The following RECQL5 variants were observed in gnomAD, a reference collection of about 807,000 sequenced individuals.
The protein encoded by RECQL5 is ATP-dependent DNA helicase Q5.
A neutral mutation model predicts 103.4 loss-of-function variants in RECQL5; 88 were observed. That is an observed-to-expected ratio of 0.85 (90% CI 0.72 to 1.02). The LOEUF (loss-of-function observed/expected upper bound fraction) is 1.02. Among genes scored for constraint, RECQL5 ranks in the 50% least tolerant of loss-of-function variants. The pLI, the probability that RECQL5 is intolerant of heterozygous loss-of-function variation, is 0.00. For missense variants in RECQL5, 1,232 were observed against 1,284.3 expected, an observed-to-expected ratio of 0.96 and a Z score of 0.62; for synonymous variants, 552 against 507.9, an observed-to-expected ratio of 1.09 and a Z score of -1.17.
intron 7 of RECQL5, 120 bp downstream of exon 7, chr17:75,658,178 T>A: frequency 9.6e-7 from 1 of 1,042,492 alleles, no homozygotes; most frequent in Non-Finnish European, 1.4e-6. Context: ...TTTGCTATAC[T>A]TACAGGTTGG....
rs2059691655 is a variant in RECQL5 at position 75,661,022 on chromosome 17, C to T, written c.919G>A (p.Glu307Lys). Reference protein sequence around the residue: ...ERTLVQNDWMEEKVPVIVATI... With the variant: ...ERTLVQNDWMKEKVPVIVATI... ...GCAACAATTACAGGGACCTTCTCCTCCATCCAGTCGTTCTGCACCAGCGTT... is the reference window on the plus strand; with the variant it reads ...GCAACAATTACAGGGACCTTCTCCTTCATCCAGTCGTTCTGCACCAGCGTT... The change falls in exon 6 of 20, where the codon GAG becomes AAG. Residue 307 changes from glutamate to lysine, a missense_variant. Physicochemically the swap from Glu to Lys is moderately conservative, Grantham distance 56. Coordinates refer to ENST00000317905, the MANE Select transcript of RECQL5 (RefSeq NM_004259.7). 7 of 1,614,206 alleles carry T rather than the reference C, an allele frequency of 4.3e-6. No individual in the cohort carries two copies. The highest frequency in any genetic ancestry group is 5.1e-6 in the Non-Finnish European group (6 of 1,180,034).
At chr17:75,642,543 T>C (rs1888459962) in intron 8 of RECQL5, among the ~76,000 whole-genome samples, 1 of 152,038 alleles carries the variant, frequency 6.6e-6, no homozygotes, top group Non-Finnish European at 1.5e-5. Flanking sequence ...ACCCAGAGAG[T>C]AAGTGTTTTC....
At chr17:75,631,770 CG>C in intron 8 of RECQL5, 102 bp from the exon 9 acceptor site, 1 of 1,227,756 alleles carries the variant, frequency 8.1e-7, no homozygotes, top group Non-Finnish European at 1.1e-6. Context: ...CTGCCGCGTC[CG>C]GCACCATGCC....
intron 8 of RECQL5, chr17:75,647,551 G>C: frequency 6.5e-7 from 1 of 1,550,156 alleles, no homozygotes; most frequent in South Asian, 1.2e-5. Flanking sequence ...GTGTGAAGCG[G>C]GTGAAGAGGA....
At chr17:75,646,979 G>A (rs543304234) in intron 8 of RECQL5, among the ~76,000 whole-genome samples, 1 of 152,300 alleles carries the variant, frequency 6.6e-6, no homozygotes. Context: ...CCAAATGTTT[G>A]GCAGTTGGGG....
intron 8 of RECQL5, among the ~76,000 whole-genome samples, chr17:75,642,249 C>T (rs933378701): frequency 2.6e-5 from 4 of 152,330 alleles, no homozygotes; most frequent in Middle Eastern, 3.4e-3. Flanking sequence ...CAGAGCATCC[C>T]GAGGTGCCTC....
rs553992436 is a variant in RECQL5 at position 75,634,102 on chromosome 17, G to A, written c.1230-2434C>T. The A allele has an allele frequency of 1.3e-4, 129 of 985,568 alleles. No homozygotes were observed. In the Middle Eastern group the frequency reaches 1.6e-3, roughly 12 times the overall value. 61.1% of individuals were successfully genotyped at this position (985,568 alleles called of 1,614,324 possible). On this transcript the variant is annotated intron_variant, in intron 8 of 19. Transcript: ENST00000317905. ...GTCAGCAGAGGAGCTGGGCTGAGGCGCCCAGGGGAGCAGCGGCGCCCACGA... is the reference window on the plus strand; with the variant it reads ...GTCAGCAGAGGAGCTGGGCTGAGGCACCCAGGGGAGCAGCGGCGCCCACGA...
At position 75,640,077 on chromosome 17, in the gene RECQL5, C is replaced by T. The variant is rs902812261; in HGVS notation, c.1230-8409G>A. Reference sequence around the variant, plus strand: ...AGACCTGACAAACTTGTTCTGCGGGCTGCGGATGGGTGCGAGGGTGGAATC... The same window carrying T: ...AGACCTGACAAACTTGTTCTGCGGGTTGCGGATGGGTGCGAGGGTGGAATC... On this transcript the variant is annotated intron_variant, in intron 8 of 19. Coordinates refer to ENST00000317905, the MANE Select transcript of RECQL5 (RefSeq NM_004259.7). The surrounding 1 kb of genome is among the most constrained non-coding windows in gnomAD (Gnocchi z 4.6). 3 of 1,335,024 alleles carry T rather than the reference C, an allele frequency of 2.2e-6. No homozygotes were observed. The highest frequency in any genetic ancestry group is 3.0e-5 in the African/African-American group (2 of 67,482). 82.7% of individuals were successfully genotyped at this position (1,335,024 alleles called of 1,614,324 possible).
At chr17:75,658,210 A>G (rs2059652849) in intron 7 of RECQL5, 88 bp downstream of exon 7, 3 of 1,450,764 alleles carry the variant, frequency 2.1e-6, no homozygotes, top group Admixed American at 3.9e-5. Flanking sequence ...TCTAGCTTAC[A>G]CAAGCATCAT....
At chr17:75,661,860 T>C in intron 4 of RECQL5, 152 bp from the exon 5 acceptor site, 1 of 606,030 alleles carries the variant, frequency 1.7e-6, no homozygotes, top group Non-Finnish European at 2.9e-6. Flanking sequence ...GCTCTGTCAC[T>C]TTATAAAAAG....
intron 8 of RECQL5, chr17:75,647,462 T>C (rs1478424761): frequency 2.6e-6 from 4 of 1,550,236 alleles, no homozygotes; most frequent in African/African-American, 1.4e-5. Flanking sequence ...GCAGTGATTA[T>C]CTTATTCATC....
chr17:75,631,766 C>T (rs1022175552), intron 8 of RECQL5, 98 bp from the exon 9 acceptor site: 10 of 1,261,404 alleles, frequency 7.9e-6, no homozygotes, highest in East Asian at 2.5e-5. Context: ...AGCACTGCCG[C>T]GTCCGGCACC....
chr17:75,645,839 T>C (rs1279396932), intron 8 of RECQL5, among the ~76,000 whole-genome samples: 2 of 152,090 alleles, frequency 1.3e-5, no homozygotes, highest in Non-Finnish European at 2.9e-5. Context: ...GAGACTGATA[T>C]AAGTGGTACC....
rs961965471 is a variant in RECQL5, at chr17:75,666,480, A to T, written c.78T>A (p.Phe26Leu). Residue 26 changes from phenylalanine to leucine, a missense_variant, in exon 2 of 20, where the codon TTT becomes TTA. By Grantham distance (22) the Phe-to-Leu change is conservative (BLOSUM62 0). Transcript: ENST00000317905. ...VRSTLKKVFG[F>L]DSFKTPLQES... ...CCTGTAAAGGCGTCTTAAAAGAGTC[A>T]AACCCAAAGACCTTCTTCAGCGTAC... The T allele has an allele frequency of 3.1e-6, 5 of 1,614,000 alleles. No homozygotes were observed. The highest frequency in any genetic ancestry group is 3.4e-6 in the Non-Finnish European group (4 of 1,180,028).
At position 75,633,808 on chromosome 17, in the gene RECQL5, A is replaced by G. The variant is rs1168715563; in HGVS notation, c.1230-2140T>C. 5 of 1,006,804 alleles carry G rather than the reference A, an allele frequency of 5.0e-6. No individual in the cohort carries two copies. The African/African-American group carries it at 8.7e-5, about 17-fold the overall frequency. 62.4% of individuals were successfully genotyped at this position (1,006,804 alleles called of 1,614,324 possible). A position where few individuals can be genotyped will look rare whatever the true frequency, so the allele number is the denominator to read the frequency against. Reference sequence around the variant, plus strand: ...GGTCCTCCTGGCCAGGAAGGCAGAGAGCCGACTTCTTTCTTCAGCTCCCAA... The same window carrying G: ...GGTCCTCCTGGCCAGGAAGGCAGAGGGCCGACTTCTTTCTTCAGCTCCCAA... On this transcript the variant is annotated intron_variant, in intron 8 of 19. Transcript: ENST00000317905.
In RECQL5 at chr17:75,636,937, G is replaced by A. The variant is rs2059334136; in HGVS notation, c.1230-5269C>T. 2 of 152,168 alleles carry A rather than the reference G, an allele frequency of 1.3e-5. No individual in the cohort carries two copies. The highest frequency in any genetic ancestry group is 4.1e-4 in the South Asian group (2 of 4,834). The allele number at this position is 152,168 out of a possible 1,614,324, so 9.4% of individuals were successfully genotyped here. A position where few individuals can be genotyped will look rare whatever the true frequency, so the allele number is the denominator to read the frequency against. On this transcript the variant is annotated intron_variant, in intron 8 of 19. Coordinates refer to ENST00000317905, the MANE Select transcript of RECQL5 (RefSeq NM_004259.7). The surrounding 1 kb of genome is among the most constrained non-coding windows in gnomAD (Gnocchi z 5.4). ...AATTCAGCTTCCAGTCAGCCCCCTA[G>A]GGAAGCCCTGGGCGCAAAGCTATGA... is the stretch of plus-strand genomic sequence containing the variant.
rs1482477593 is a variant in RECQL5, at chr17:75,651,260, C to A, written c.1155G>T (p.Lys385Asn). ...CTTTATCAGATGCTTTGTTTCCTCT[C>A]TTTTCCTGGGGACAAAAAATGACCA... The part of the protein sequence containing the change: ...IRKEVAKLQE[K>N]RGNKASDKAT... Residue 385 changes from lysine (K) to asparagine (N), a missense_variant, in exon 8 of 20, where the codon AAG becomes AAT. Physicochemically the swap from Lys to Asn is moderately conservative, Grantham distance 94. Coordinates refer to ENST00000317905, the MANE Select transcript of RECQL5 (RefSeq NM_004259.7). The A allele has an allele frequency of 2.5e-6, 4 of 1,614,178 alleles. No individual in the cohort carries two copies. In the South Asian group the frequency reaches 4.4e-5, roughly 18 times the overall value.
chr17:75,661,094 G>C, intron 5 of RECQL5, 28 bp from the exon 6 acceptor site: 1 of 1,572,146 alleles, frequency 6.4e-7, no homozygotes, highest in Non-Finnish European at 8.8e-7. Context: ...ATGGAGAAGG[G>C]AACTCACATT....
At chr17:75,663,044 A>G in intron 3 of RECQL5, 47 bp from the exon 4 acceptor site, 1 of 1,527,532 alleles carries the variant, frequency 6.5e-7, no homozygotes, top group Non-Finnish European at 8.8e-7. Context: ...GACTCAGGTA[A>G]ACATCACTGC....
Sources: allele counts gnomAD v4.1 joint callset (sites outside exome capture counted in the v4.1 genomes callset), GRCh38; gene constraint gnomAD v4.1.1; non-coding constraint Gnocchi (gnomAD v3.1); transcripts MANE v1.5; gene names NCBI Gene and HGNC (gene_info 2026-07-23, HGNC 2026-07-21).